The following SYTL4 variants were observed in gnomAD, a reference collection of about 807,000 sequenced individuals.
SYTL4 encodes synaptotagmin like 4, also known as synaptotagmin-like protein 4.
In SYTL4, 16 loss-of-function variants were observed where a neutral mutation model predicts 52.7. The ratio of observed to expected loss-of-function variants is 0.30; its 90% CI spans 0.21 to 0.46. The LOEUF is 0.46. Among genes scored for constraint, SYTL4 ranks in the 20% least tolerant of loss-of-function variants. The probability of loss-of-function intolerance (pLI) is 1.00; values close to 1 mark genes in which losing one functional copy is unlikely to be tolerated. For missense variants in SYTL4, 423 were observed against 519.9 expected (o/e 0.81, Z 1.81); for synonymous variants, 160 against 186.6 (o/e 0.86, Z 1.16).
At chrX:100,692,338 A>G in intron 8 of SYTL4, among the ~76,000 whole-genome samples, 1 of 112,680 alleles carries the variant, frequency 8.9e-6, no homozygotes, top group Admixed American at 9.4e-5. Context: ...ACAAAGTTCC[A>G]TAAGATCAGT....
At chrX:100,698,920 T>C (rs1392470224) in intron 8 of SYTL4, among the ~76,000 whole-genome samples, 2 of 112,081 alleles carry the variant, frequency 1.8e-5, no homozygotes, top group Non-Finnish European at 3.8e-5. Flanking sequence ...ATAATTTGAG[T>C]AACAAATAGT....
intron 8 of SYTL4, among the ~76,000 whole-genome samples, chrX:100,695,787 TCAC>T (rs946521416): frequency 3.6e-5 from 4 of 112,213 alleles, no homozygotes; most frequent in African/African-American, 1.3e-4. Context: ...TGCGAAACTA[TCAC>T]CACAATTAAG....
At chrX:100,712,574 AAAGC>A (rs1334824562) in intron 2 of SYTL4, among the ~76,000 whole-genome samples, 2 of 112,780 alleles carry the variant, frequency 1.8e-5, no homozygotes, top group Non-Finnish European at 3.7e-5. Context: ...TGAAACAAAA[AAAGC>A]AAGCATTTCT....
intron 2 of SYTL4, among the ~76,000 whole-genome samples, chrX:100,724,251 G>T (rs1300910149): frequency 2.9e-5 from 3 of 105,258 alleles, no homozygotes; most frequent in African/African-American, 1.1e-4. Flanking sequence ...GAGGTGGGGG[G>T]GGTCAGCGCC....
rs752553478 is a variant in SYTL4 at position 100,674,650 on chromosome X, A to T, written c.*1378T>A. The T allele has an allele frequency of 6.2e-5, 7 of 112,025 alleles. No homozygotes were observed. The highest frequency in any genetic ancestry group is 1.3e-4 in the Non-Finnish European group (7 of 53,206). The allele number at this position is 112,025 out of a possible 1,213,427, so 9.2% of individuals were successfully genotyped here. A position where few individuals can be genotyped will look rare whatever the true frequency, so the allele number is the denominator to read the frequency against. Reference sequence around the variant, plus strand: ...AAACATTCCTCCATTCGGTTCATACATACAGTAGAAACCACTGTGGCTGCC... The same window carrying T: ...AAACATTCCTCCATTCGGTTCATACTTACAGTAGAAACCACTGTGGCTGCC... On this transcript the variant is annotated 3_prime_UTR_variant, in exon 20 of 20. Transcript: ENST00000372989.
chrX:100,719,686 G>A (rs1481737157), intron 2 of SYTL4, among the ~76,000 whole-genome samples: 11 of 109,881 alleles, frequency 1.0e-4, no homozygotes, highest in African/African-American at 3.6e-4. Flanking sequence ...GGCAGGGGGT[G>A]GGGGTGGGCA....
rs2083663371 is a variant in SYTL4, at chrX:100,694,435, C to G, written c.540-3226G>C. ...CTCCTTCTTTCTCTATCTACATGCT[C>G]TTCCCCCAGATACCCTAAGGGTTTG... is the stretch of plus-strand genomic sequence containing the variant. On this transcript the variant is annotated intron_variant, in intron 8 of 19. Transcript: ENST00000372989. Among the ~76,000 whole-genome samples the G allele has an allele frequency of 2.7e-5, 3 of 111,596 alleles. No homozygotes were observed. In the Admixed American group the frequency reaches 2.9e-4, roughly 11 times the overall value.
chrX:100,716,765 C>T (rs2084235526), intron 2 of SYTL4, among the ~76,000 whole-genome samples: 1 of 110,365 alleles, frequency 9.1e-6, no homozygotes, highest in Admixed American at 9.7e-5. Context: ...ATCAACTGCC[C>T]CTTTCAATTT....
Position 100,678,463 on chromosome X carries a change from G to A in SYTL4, c.1795C>T (p.Leu599=), listed in dbSNP as rs1272774774. 7.4e-6 allele frequency: 9 copies of A among 1,209,408 alleles called. No homozygotes were observed. The highest frequency in any genetic ancestry group is 1.0e-5 in the Non-Finnish European group (9 of 894,905). Residue 599 remains leucine, a synonymous_variant, in exon 19 of 20, where the codon CTG becomes TTG. Coordinates refer to ENST00000372989, the MANE Select transcript of SYTL4 (RefSeq NM_001370165.1). ...LEDLQHMCLE[L]TVWDREPLAS... is the part of the protein sequence containing the mutation. ...AGGGGCTCCCGGTCCCACACAGTCAGTTCCAGGCACATATGCTGTAGATCT... is the reference window on the plus strand; with the variant it reads ...AGGGGCTCCCGGTCCCACACAGTCAATTCCAGGCACATATGCTGTAGATCT...
chrX:100,676,265 A>T (rs1005854231), intron 19 of SYTL4, 89 bp from the exon 20 acceptor site: 7 of 1,026,116 alleles, frequency 6.8e-6, no homozygotes, highest in Non-Finnish European at 9.4e-6. Context: ...TAGCCACCCC[A>T]TAACAGTTTC....
Position 100,686,790 on chromosome X carries a change from C to G in SYTL4, c.1185-9G>C, listed in dbSNP as rs1569381178. The G allele has an allele frequency of 8.4e-7, 1 of 1,184,958 alleles. No individual in the cohort carries two copies. The highest frequency in any genetic ancestry group is 2.2e-5 in the Admixed American group (1 of 45,889). On this transcript the variant is annotated splice_polypyrimidine_tract_variant and intron_variant, in intron 14 of 19. Transcript: ENST00000372989. ...GGTAAGTCTTCACATATCTAGAAAC[C>G]AAAGACAGCACTGAGTAATTTGCTG...
chrX:100,691,358 T>C, intron 8 of SYTL4, 149 bp from the exon 9 acceptor site: 1 of 399,430 alleles, frequency 2.5e-6, no homozygotes, highest in African/African-American at 2.5e-5. Flanking sequence ...AATTAATTAA[T>C]TAAGAAATAA....
Position 100,686,662 on chromosome X carries a change from G to C in SYTL4, c.1287+17C>G, listed in dbSNP as rs761360182. 1.4e-5 allele frequency: 16 copies of C among 1,140,252 alleles called. No homozygotes were observed. In the East Asian group the frequency reaches 2.1e-4, roughly 15 times the overall value. 94.0% of individuals were successfully genotyped at this position (1,140,252 alleles called of 1,213,427 possible). A position where few individuals can be genotyped will look rare whatever the true frequency, so the allele number is the denominator to read the frequency against. On this transcript the variant is annotated intron_variant, in intron 15 of 19. Coordinates refer to ENST00000372989, the MANE Select transcript of SYTL4 (RefSeq NM_001370165.1). ...AGACAGAACAAGTTCTCCTACCCTT[G>C]AGGTCTAGATACTTACCCTCAGCGT...
chrX:100,714,501 T>C (rs952325818), intron 2 of SYTL4, among the ~76,000 whole-genome samples: 16 of 111,585 alleles, frequency 1.4e-4, no homozygotes, highest in Non-Finnish European at 2.6e-4. Flanking sequence ...CCTCGTGATC[T>C]GCCCACCTCA....
At chrX:100,695,259 T>C (rs1185724312) in intron 8 of SYTL4, among the ~76,000 whole-genome samples, 1 of 111,689 alleles carries the variant, frequency 9.0e-6, no homozygotes, top group Admixed American at 9.5e-5. Context: ...GGTAAATCAC[T>C]TATCCTGCTT....
At chrX:100,704,675 C>T (rs1002999649) in intron 3 of SYTL4, 136 bp downstream of exon 3, 1 of 111,396 alleles carries the variant, frequency 9.0e-6, no homozygotes, top group African/African-American at 3.3e-5. Flanking sequence ...GGTAACTGGG[C>T]CCAGGAAATA....
intron 16 of SYTL4, among the ~76,000 whole-genome samples, chrX:100,683,922 T>A (rs765945426): frequency 2.7e-5 from 3 of 111,738 alleles, no homozygotes; most frequent in Non-Finnish European, 3.8e-5. Flanking sequence ...ATATAAAAGT[T>A]TTATTGGCAG....
chrX:100,689,953 G>A lies in SYTL4; in HGVS notation c.815C>T (p.Thr272Ile), dbSNP rs369007373. The A allele has an allele frequency of 1.2e-5, 14 of 1,199,124 alleles. No homozygotes were observed. In the African/African-American group the frequency reaches 1.9e-4, roughly 17 times the overall value. Reference protein sequence around the residue: ...TRKILRPSEYTKSVIDLRPED... With the variant: ...TRKILRPSEYIKSVIDLRPED... The stretch of plus-strand genomic sequence containing the variant: ...TGGGCGAAGATCTATCACAGATTTA[G>A]TGTACTCTGAGGGGAAGACCAAAAA... Residue 272 changes from threonine (T) to isoleucine (I), a missense_variant, in exon 12 of 20, where the codon ACT becomes ATT. Transcript: ENST00000372989.
At chrX:100,712,821 T>C (rs1214085942) in intron 2 of SYTL4, among the ~76,000 whole-genome samples, 3 of 111,732 alleles carry the variant, frequency 2.7e-5, no homozygotes, top group Non-Finnish European at 5.6e-5. Context: ...ATGATATGAA[T>C]AGACAAAAGA....
Sources: gnomAD v4.1 joint callset for allele counts (sites outside exome capture counted in the v4.1 genomes callset) on GRCh38, gnomAD v4.1.1 for gene constraint, MANE v1.5 for transcripts, NCBI Gene and HGNC (gene_info 2026-07-23, HGNC 2026-07-21) for gene names.